Variants in STARD13 observed in about 807,000 individuals in gnomAD.
STARD13 encodes StAR related lipid transfer domain containing 13, also known as stAR-related lipid transfer protein 13.
In STARD13, 62 loss-of-function variants were observed where a neutral mutation model predicts 106.4. That is an observed-to-expected ratio of 0.58 (90% CI 0.48 to 0.72). The LOEUF is 0.72. Ranked by LOEUF, STARD13 falls within the 30% of genes least tolerant of loss-of-function variation. STARD13 has a pLI of 0.00. For missense variants in STARD13, 1,387 were observed against 1,424.0 expected (o/e 0.97, Z 0.42); for synonymous variants, 565 against 553.0 (o/e 1.02, Z -0.31).
chr13:33,581,902 A>G, the STARD13 span, among the ~76,000 whole-genome samples: 1 of 152,190 alleles, frequency 6.6e-6, no homozygotes, highest in Non-Finnish European at 1.5e-5. Context: ...CATTATCATG[A>G]AACAGCACAG....
At chr13:33,260,873 G>T (rs975456185) in intron 1 of STARD13, among the ~76,000 whole-genome samples, 1 of 152,158 alleles carries the variant, frequency 6.6e-6, no homozygotes. Context: ...CAGGAAATCT[G>T]ATAAGTTCAA....
In STARD13 at chr13:33,103,879, C is replaced by T. The variant is rs1477187611; in HGVS notation, c.*1714G>A. The T allele has an allele frequency of 6.6e-6, 1 of 152,198 alleles. No individual in the cohort carries two copies. The highest frequency in any genetic ancestry group is 1.5e-5 in the Non-Finnish European group (1 of 68,036). The allele number at this position is 152,198 out of a possible 1,614,324, so 9.4% of individuals were successfully genotyped here. On this transcript the variant is annotated 3_prime_UTR_variant, in exon 14 of 14. Transcript: ENST00000336934. ...AAGTGACTTTGTTTTGCTCACAAAG[C>T]ATTGCCCAAAAGGTAAATTATGGAT...
chr13:33,311,642 T>C (rs564272455), intron 1 of STARD13, among the ~76,000 whole-genome samples: 2 of 152,256 alleles, frequency 1.3e-5, no homozygotes, highest in Non-Finnish European at 2.9e-5. Context: ...TATTTACGTA[T>C]TTCATCACTT....
intron 1 of STARD13, among the ~76,000 whole-genome samples, chr13:33,175,972 T>G (rs1208474558): frequency 6.6e-6 from 1 of 152,134 alleles, no homozygotes; most frequent in African/African-American, 2.4e-5. Context: ...AACCTTGCCA[T>G]GTAGGTGAAA....
chr13:33,186,995 T>C (rs1885827237), intron 1 of STARD13, among the ~76,000 whole-genome samples: 1 of 152,184 alleles, frequency 6.6e-6, no homozygotes, highest in Non-Finnish European at 1.5e-5. Flanking sequence ...AATGCTGATG[T>C]CATTGTCGTT....
the STARD13 span, among the ~76,000 whole-genome samples, chr13:33,604,916 G>C: frequency 1.3e-5 from 2 of 151,960 alleles, no homozygotes; most frequent in African/African-American, 2.4e-5. Context: ...AAAATATAGA[G>C]AGTTTTCTAC....
At chr13:33,469,838 G>C in the STARD13 span, among the ~76,000 whole-genome samples, 1 of 146,000 alleles carries the variant, frequency 6.8e-6, no homozygotes, top group African/African-American at 2.7e-5. Context: ...AAGCAGGGTA[G>C]GGACAAGGGA....
chr13:33,150,052 T>C (rs1881067086), intron 3 of STARD13, among the ~76,000 whole-genome samples: 1 of 152,222 alleles, frequency 6.6e-6, no homozygotes, highest in African/African-American at 2.4e-5. Context: ...CTCCATTGGA[T>C]TGGAGCCTTG....
intron 1 of STARD13, chr13:33,336,264 G>T (rs2077896067): frequency 6.6e-6 from 1 of 152,108 alleles, no homozygotes; most frequent in Non-Finnish European, 1.5e-5. Context: ...TTCATATCTG[G>T]AAAGTAAAAC....
the STARD13 span, chr13:33,524,248 G>C: frequency 2.8e-5 from 36 of 1,275,348 alleles, no homozygotes; most frequent in Non-Finnish European, 2.2e-5. Flanking sequence ...TTTAGTTTTT[G>C]GTTGAGTTCC....
the STARD13 span, among the ~76,000 whole-genome samples, chr13:33,551,568 CCTTTTTTTTTTTTTTTTTTTTTTTTTTTT>C: frequency 1.6e-3 from 73 of 44,794 alleles, 4 homozygotes; most frequent in South Asian, 5.8e-3. Flanking sequence ...TTTGCTTTTC[CCTTTTTTTTTTTTTTTTTTTTTTTTTTTT>C]TTTTTTTTTT....
At chr13:33,379,300 A>G in the STARD13 span, among the ~76,000 whole-genome samples, 2 of 152,210 alleles carry the variant, frequency 1.3e-5, no homozygotes, top group Non-Finnish European at 2.9e-5. Context: ...CATTAAAAAT[A>G]CACCCTATAG....
intron 3 of STARD13, 56 bp downstream of exon 3, chr13:33,165,281 G>A: frequency 3.8e-6 from 5 of 1,309,354 alleles, no homozygotes; most frequent in South Asian, 2.4e-5. Context: ...TCAGTATAGT[G>A]ATGCCTGTTG....
At chr13:33,624,384 C>A in the STARD13 span, among the ~76,000 whole-genome samples, 5 of 152,274 alleles carry the variant, frequency 3.3e-5, no homozygotes, top group African/African-American at 1.2e-4. Context: ...CCGCTGCGGG[C>A]AGAGTGAGGC....
chr13:33,406,242 T>C, the STARD13 span, among the ~76,000 whole-genome samples: 2 of 152,192 alleles, frequency 1.3e-5, no homozygotes, highest in South Asian at 2.1e-4. Flanking sequence ...CATAGAAACA[T>C]GTTTGACCAC....
chr13:33,265,184 C>T (rs1890836545), intron 1 of STARD13, among the ~76,000 whole-genome samples: 1 of 152,132 alleles, frequency 6.6e-6, no homozygotes, highest in South Asian at 2.1e-4. Context: ...ATCTGAACTA[C>T]AATTCAGGTG....
At chr13:33,110,549 GA>G (rs1402542956) in intron 11 of STARD13, 136 bp downstream of exon 11, 1 of 714,128 alleles carries the variant, frequency 1.4e-6, no homozygotes, top group African/African-American at 1.8e-5. Flanking sequence ...TGAGTTCTTT[GA>G]ATGGTTCATG....
the STARD13 span, among the ~76,000 whole-genome samples, chr13:33,411,908 A>G: frequency 6.6e-6 from 1 of 152,236 alleles, no homozygotes; most frequent in Non-Finnish European, 1.5e-5. Context: ...ACATTATCAA[A>G]TGAAGGAAAA....
chr13:33,149,685 A>T lies in STARD13; in HGVS notation c.324-7312T>A, dbSNP rs79514761. On this transcript the variant is annotated intron_variant, in intron 3 of 13. Transcript: ENST00000336934. The stretch of plus-strand genomic sequence containing the variant: ...ATAGCATTGGCCTGTGATTTAGCTT[A>T]CACAAGGTAAAATAAACAATGGCTA... Among the ~76,000 whole-genome samples, 111 of 152,346 alleles carry T rather than the reference A, an allele frequency of 7.3e-4. 1 individual carries two copies. In the East Asian group the frequency reaches 0.021, roughly 29 times the overall value.
Sources: gnomAD v4.1 joint callset for allele counts (sites outside exome capture counted in the v4.1 genomes callset) on GRCh38, gnomAD v4.1.1 for gene constraint, MANE v1.5 for transcripts, NCBI Gene and HGNC (gene_info 2026-07-23, HGNC 2026-07-21) for gene names.